The following RC3H1 variants were observed in gnomAD, a reference collection of about 807,000 sequenced individuals.
RC3H1 encodes the protein ring finger and CCCH-type domains 1, also known as roquin-1.
Under a neutral mutation model 138.2 loss-of-function variants are expected in RC3H1, and 50 were observed. That is an observed-to-expected ratio of 0.36 (90% CI 0.29 to 0.46). The LOEUF (loss-of-function observed/expected upper bound fraction) is 0.46, where lower values mean the gene tolerates loss of function less well. Ranked by LOEUF, RC3H1 falls within the 20% of genes least tolerant of loss-of-function variation. The probability of loss-of-function intolerance (pLI) is 1.00; values close to 1 mark genes in which losing one functional copy is unlikely to be tolerated. For synonymous variants in RC3H1, 462 were observed against 489.1 expected, an observed-to-expected ratio of 0.94 and a Z score of 0.73; for missense variants, 1,031 against 1,388.1, an observed-to-expected ratio of 0.74 and a Z score of 4.09.
intron 1 of RC3H1, among the ~76,000 whole-genome samples, chr1:174,012,794 AAAAG>A (rs201010854): frequency 0.048 from 7,027 of 145,554 alleles, 525 homozygotes; most frequent in African/African-American, 0.19. Context: ...CAAAAAAAAA[AAAAG>A]AAAAGAAAAG....
chr1:173,972,695 A>G (rs1159144057), intron 7 of RC3H1, 68 bp from the exon 8 acceptor site: 2 of 1,015,456 alleles, frequency 2.0e-6, no homozygotes, highest in African/African-American at 3.2e-5. Flanking sequence ...TCAAATTAAT[A>G]AAAGAGTTAC....
At chr1:173,997,460 A>G (rs907132635) in intron 1 of RC3H1, among the ~76,000 whole-genome samples, 1 of 152,122 alleles carries the variant, frequency 6.6e-6, no homozygotes, top group Non-Finnish European at 1.5e-5. Context: ...ATCAAAACTT[A>G]TTAGTTCTTT....
In RC3H1 at chr1:173,946,741, C is replaced by T; in HGVS notation, c.2828+5G>A. The T allele has an allele frequency of 6.2e-7, 1 of 1,611,756 alleles. No individual in the cohort carries two copies. The highest frequency in any genetic ancestry group is 8.5e-7 in the Non-Finnish European group (1 of 1,178,034). On this transcript the variant is annotated splice_donor_5th_base_variant and intron_variant, in intron 16 of 19. Transcript: ENST00000367696. ...GTTTGTTCAAGTAAAAAGAATGACTCATACCTCTCACTGAAGTGTCCCTGA... is the reference window on the plus strand; with the variant it reads ...GTTTGTTCAAGTAAAAAGAATGACTTATACCTCTCACTGAAGTGTCCCTGA...
chr1:173,966,785 C>A (rs1008230621), intron 9 of RC3H1, among the ~76,000 whole-genome samples: 1 of 151,942 alleles, frequency 6.6e-6, no homozygotes, highest in Non-Finnish European at 1.5e-5. Flanking sequence ...TATTTTTCCA[C>A]GTTTCCCAAA....
rs78760256 is a variant in RC3H1, at chr1:173,960,641, C to T, written c.2370+436G>A. Among the ~76,000 whole-genome samples, 395 of 152,268 alleles carry T rather than the reference C, an allele frequency of 2.6e-3. 3 individuals carry two copies. The highest frequency in any genetic ancestry group is 8.1e-3 in the African/African-American group (338 of 41,560). On this transcript the variant is annotated intron_variant, in intron 13 of 19. Coordinates refer to ENST00000367696, the MANE Select transcript of RC3H1 (RefSeq NM_172071.4). Reference sequence around the variant, plus strand: ...AAGCAGATATTTTTGTGGAAATCAACGTGCTGATTCTTGAAAAATAACAAT... The same window carrying T: ...AAGCAGATATTTTTGTGGAAATCAATGTGCTGATTCTTGAAAAATAACAAT...
chr1:173,953,051 T>A (rs932693458), intron 13 of RC3H1, among the ~76,000 whole-genome samples: 4 of 152,142 alleles, frequency 2.6e-5, no homozygotes, highest in Non-Finnish European at 5.9e-5. Context: ...ACTAAAAACA[T>A]CTCTTTTCTG....
intron 14 of RC3H1, among the ~76,000 whole-genome samples, chr1:173,951,584 A>G (rs1659401365): frequency 1.3e-5 from 2 of 151,968 alleles, no homozygotes; most frequent in Non-Finnish European, 2.9e-5. Context: ...TTTGTCACCC[A>G]GGCTGGAGTG....
intron 5 of RC3H1, 115 bp from the exon 6 acceptor site, chr1:173,981,124 T>C (rs1660796331): frequency 1.2e-5 from 10 of 820,722 alleles, no homozygotes; most frequent in Admixed American, 8.2e-5. Context: ...TAAATGAATA[T>C]ACCATTTGCC....
chr1:174,015,085 C>A (rs1333317753), intron 1 of RC3H1, among the ~76,000 whole-genome samples: 2 of 152,174 alleles, frequency 1.3e-5, no homozygotes, highest in African/African-American at 4.8e-5. Context: ...CTCCATCCTA[C>A]CTATATGGCT....
intron 1 of RC3H1, among the ~76,000 whole-genome samples, chr1:174,004,520 GCAGGGC>G (rs1183780429): frequency 1.3e-5 from 2 of 152,036 alleles, no homozygotes; most frequent in African/African-American, 4.8e-5. Flanking sequence ...ATGTCACTTG[GCAGGGC>G]CAGGGGCAGT....
At chr1:173,950,625 G>A (rs1488200626) in intron 14 of RC3H1, among the ~76,000 whole-genome samples, 1 of 151,850 alleles carries the variant, frequency 6.6e-6, no homozygotes, top group African/African-American at 2.4e-5. Flanking sequence ...ACTAAACTCA[G>A]GATAGAGATT....
At chr1:174,005,282 C>A (rs1201344954) in intron 1 of RC3H1, among the ~76,000 whole-genome samples, 7 of 152,158 alleles carry the variant, frequency 4.6e-5, no homozygotes, top group Non-Finnish European at 8.8e-5. Context: ...TGTAGCTACA[C>A]AAGTGGCCTC....
chr1:174,022,154 C>T lies in RC3H1; in HGVS notation c.-209G>A, dbSNP rs1661980069. ...CGAGTCCCCGCGGCCGTCGCCACCG[C>T]CGCGGCAGCCGCCGCCGCCGCCGAG... On this transcript the variant is annotated 5_prime_UTR_variant, in exon 1 of 20. Coordinates refer to ENST00000367696, the MANE Select transcript of RC3H1 (RefSeq NM_172071.4). The surrounding 1 kb of genome is among the most constrained non-coding windows in gnomAD (Gnocchi z 4.2). 5.1e-6 allele frequency: 2 copies of T among 395,800 alleles called. No individual in the cohort carries two copies. Among genetic ancestry groups the T allele is most frequent in the East Asian group, 7.2e-5 (2 of 27,784 alleles). The allele number at this position is 395,800 out of a possible 1,614,324, so 24.5% of individuals were successfully genotyped here.
intron 2 of RC3H1, among the ~76,000 whole-genome samples, chr1:173,992,128 T>C (rs1188818563): frequency 2.0e-5 from 3 of 152,142 alleles, no homozygotes; most frequent in East Asian, 1.9e-4. Flanking sequence ...TTAAAAAAGG[T>C]CCTTATGACT....
At position 173,962,104 on chromosome 1, in the gene RC3H1, T is replaced by C. The variant is rs756034046; in HGVS notation, c.1832-9A>G. 20 of 1,577,974 alleles carry C rather than the reference T, an allele frequency of 1.3e-5. No homozygotes were observed. Among genetic ancestry groups the C allele is most frequent in the South Asian group, 3.4e-5 (3 of 87,574 alleles). On this transcript the variant is annotated splice_polypyrimidine_tract_variant and intron_variant, in intron 11 of 19. Transcript: ENST00000367696. ...TGGAGTATAATACATACCTGCACAA[T>C]ACAAAAGAGGACCCAAAAGCAAATA...
intron 19 of RC3H1, among the ~76,000 whole-genome samples, chr1:173,940,912 C>T (rs1201597058): frequency 1.3e-5 from 2 of 151,770 alleles, no homozygotes; most frequent in Non-Finnish European, 2.9e-5. Context: ...ACCTCCTCCT[C>T]CCAGGTTCAA....
intron 2 of RC3H1, among the ~76,000 whole-genome samples, 172 bp downstream of exon 2, chr1:173,992,583 A>T (rs1661334056): frequency 6.6e-6 from 1 of 152,124 alleles, no homozygotes; most frequent in Non-Finnish European, 1.5e-5. Context: ...GATTTACAGT[A>T]CCAAACAGAA....
At chr1:173,939,127 C>T (rs1200700214) in intron 19 of RC3H1, among the ~76,000 whole-genome samples, 3 of 151,812 alleles carry the variant, frequency 2.0e-5, no homozygotes, top group African/African-American at 7.3e-5. Context: ...AACGTATTAT[C>T]CACTGCTTTC....
Position 173,962,247 on chromosome 1 carries a change from CT to C in RC3H1, c.1832-153del, listed in dbSNP as rs1200403874. The C allele has an allele frequency of 8.6e-6, 7 of 813,572 alleles. No homozygotes were observed. The African/African-American group carries it at 1.0e-4, about 12-fold the overall frequency. The allele number at this position is 813,572 out of a possible 1,614,324, so 50.4% of individuals were successfully genotyped here. ...CCATCTGCTTATATAATCAGGTTAG[CT>C]TTTTAAAAAATAAGCAAAAATTATC... On this transcript the variant is annotated intron_variant, in intron 11 of 19. Transcript: ENST00000367696.
Sources: allele counts gnomAD v4.1 joint callset (sites outside exome capture counted in the v4.1 genomes callset), GRCh38; gene constraint gnomAD v4.1.1; non-coding constraint Gnocchi (gnomAD v3.1); transcripts MANE v1.5; gene names NCBI Gene and HGNC (gene_info 2026-07-23, HGNC 2026-07-21).